Variants in TLN2 observed in about 807,000 individuals in gnomAD.
The protein encoded by TLN2 is talin 2, also known as talin-2.
A neutral mutation model predicts 294.7 loss-of-function variants in TLN2; 118 were observed. The observed-to-expected ratio is 0.40, with a 90% confidence interval of 0.34 to 0.47. The LOEUF is 0.47. Among genes scored for constraint, TLN2 ranks in the 20% least tolerant of loss-of-function variants. The pLI, the probability that TLN2 is intolerant of heterozygous loss-of-function variation, is 0.84. For missense variants in TLN2, 3,083 were observed against 3,282.2 expected (o/e 0.94, Z 1.48); for synonymous variants, 1,431 against 1,304.5 (o/e 1.10, Z -2.09).
chr15:62,722,180 C>T (rs2060189189), intron 25 of TLN2, among the ~76,000 whole-genome samples, 173 bp from the exon 26 acceptor site: 1 of 152,114 alleles, frequency 6.6e-6, no homozygotes, highest in Non-Finnish European at 1.5e-5. Flanking sequence ...AGGTACTGCC[C>T]TAGAGTATCT....
chr15:62,441,332 C>T lies in TLN2; in HGVS notation c.-238+50647C>T, dbSNP rs966652735. Among the ~76,000 whole-genome samples, 3 of 152,330 alleles carry T rather than the reference C, an allele frequency of 2.0e-5. No individual in the cohort carries two copies. The South Asian group carries it at 6.2e-4, about 32-fold the overall frequency. On this transcript the variant is annotated intron_variant, in intron 1 of 58. Transcript: ENST00000636159. ...CTGCAGCCTCGAACTCCTGGGCTCACGTGATGTCTGTGCTTCAGCCTCCTG... is the reference window on the plus strand; with the variant it reads ...CTGCAGCCTCGAACTCCTGGGCTCATGTGATGTCTGTGCTTCAGCCTCCTG...
intron 13 of TLN2, among the ~76,000 whole-genome samples, chr15:62,693,544 G>A (rs1340405715): frequency 6.6e-6 from 1 of 151,772 alleles, no homozygotes; most frequent in Non-Finnish European, 1.5e-5. Flanking sequence ...GCTGTACTGT[G>A]CTTTTCAGCC....
chr15:62,588,129 C>T lies in TLN2; in HGVS notation c.-237-1558C>T, dbSNP rs2045774435. 2.0e-5 allele frequency among the ~76,000 whole-genome samples: 3 copies of T among 152,098 alleles called. No homozygotes were observed. The South Asian group carries it at 6.2e-4, about 32-fold the overall frequency. ...TATCCTGACCTCGTGATCTGCCCGC[C>T]TTCGCCTCCCAAAGTGCTGGGATTA... On this transcript the variant is annotated intron_variant, in intron 1 of 58. Coordinates refer to ENST00000636159, the MANE Select transcript of TLN2 (RefSeq NM_015059.3).
intron 1 of TLN2, among the ~76,000 whole-genome samples, chr15:62,440,697 G>A (rs373993373): frequency 2.6e-5 from 4 of 152,088 alleles, no homozygotes; most frequent in Admixed American, 2.0e-4. Context: ...ATTATTGACC[G>A]TCCTACTTTT....
intron 1 of TLN2, among the ~76,000 whole-genome samples, chr15:62,483,664 G>A (rs1393452461): frequency 2.0e-5 from 3 of 152,176 alleles, no homozygotes; most frequent in Non-Finnish European, 4.4e-5. Flanking sequence ...TAAGAAGTAG[G>A]AGCTCCAAGT....
At chr15:62,455,508 A>T (rs1436929286) in intron 1 of TLN2, among the ~76,000 whole-genome samples, 1 of 152,154 alleles carries the variant, frequency 6.6e-6, no homozygotes, top group African/African-American at 2.4e-5. Flanking sequence ...TTGTTTTTTT[A>T]ACCACTGGCC....
intron 1 of TLN2, among the ~76,000 whole-genome samples, chr15:62,423,568 C>G (rs939289693): frequency 6.6e-6 from 1 of 152,018 alleles, no homozygotes; most frequent in African/African-American, 2.4e-5. Flanking sequence ...CCTTCCCCAC[C>G]TATACTGATG....
chr15:62,392,967 T>C (rs1159050275), intron 1 of TLN2, among the ~76,000 whole-genome samples: 2 of 151,962 alleles, frequency 1.3e-5, no homozygotes, highest in Non-Finnish European at 2.9e-5. Flanking sequence ...ACAAGTGGTC[T>C]TGAGAGAAGA....
chr15:62,511,842 A>G (rs1457793465), intron 1 of TLN2, among the ~76,000 whole-genome samples: 1 of 152,182 alleles, frequency 6.6e-6, no homozygotes, highest in African/African-American at 2.4e-5. Flanking sequence ...GCCTTTAGTT[A>G]AAACAAAAAT....
At chr15:62,640,516 C>T (rs1157638989) in intron 3 of TLN2, among the ~76,000 whole-genome samples, 2 of 152,124 alleles carry the variant, frequency 1.3e-5, no homozygotes, top group Non-Finnish European at 2.9e-5. Flanking sequence ...CATTGTGCCC[C>T]CCTAAGTTGC....
At chr15:62,605,028 A>G (rs2047318454) in intron 2 of TLN2, among the ~76,000 whole-genome samples, 1 of 152,144 alleles carries the variant, frequency 6.6e-6, no homozygotes, top group Admixed American at 6.5e-5. Flanking sequence ...AAAAAACAGT[A>G]TTTTGTTTGT....
chr15:62,570,749 A>AGTG (rs1056536234), intron 1 of TLN2, among the ~76,000 whole-genome samples: 1 of 152,216 alleles, frequency 6.6e-6, no homozygotes, highest in African/African-American at 2.4e-5. Context: ...ACTCGGCCCC[A>AGTG]GTGGTGGATA....
intron 1 of TLN2, among the ~76,000 whole-genome samples, chr15:62,551,076 GT>G (rs1456447462): frequency 1.3e-5 from 2 of 152,124 alleles, no homozygotes; most frequent in Non-Finnish European, 2.9e-5. Flanking sequence ...CTCATAAGGA[GT>G]GCACAGCCTA....
At chr15:62,676,675 C>T (rs1049777755) in intron 11 of TLN2, among the ~76,000 whole-genome samples, 2 of 152,180 alleles carry the variant, frequency 1.3e-5, no homozygotes, top group African/African-American at 4.8e-5. Context: ...AGTGCAGTGG[C>T]GCGATCGTGG....
chr15:62,772,770 C>G (rs1034417836), intron 42 of TLN2, among the ~76,000 whole-genome samples: 5 of 151,868 alleles, frequency 3.3e-5, no homozygotes, highest in African/African-American at 4.8e-5. Flanking sequence ...TCAAGTGATT[C>G]TCCTGCCTCA....
At chr15:62,621,614 G>C (rs1596369904) in intron 3 of TLN2, among the ~76,000 whole-genome samples, 1 of 152,120 alleles carries the variant, frequency 6.6e-6, no homozygotes, top group Admixed American at 6.5e-5. Flanking sequence ...CATATGAAGG[G>C]GTGGCAGAGG....
At chr15:62,469,207 T>C (rs1023910839) in intron 1 of TLN2, among the ~76,000 whole-genome samples, 1 of 152,216 alleles carries the variant, frequency 6.6e-6, no homozygotes, top group East Asian at 1.9e-4. Flanking sequence ...ATTGTGAGCA[T>C]GTAAGCAGAC....
rs1234428894 is a variant in TLN2, at chr15:62,771,069, A to G, written c.5302A>G (p.Lys1768Glu). Residue 1768 changes from lysine (K) to glutamate (E), a missense_variant, in exon 42 of 59, where the codon AAG (lysine) becomes GAG (glutamate). Lys to Glu is a moderately conservative substitution (Grantham distance 56). Transcript: ENST00000636159. The part of the protein sequence containing the change: ...QQQMTVLDQT[K>E]TLAESALQML... ...GCAGATGACGGTGCTGGACCAGACC[A>G]AGACTCTCGCAGAGTCTGCCTTGCA... is the stretch of plus-strand genomic sequence containing the variant. 1.9e-6 allele frequency: 3 copies of G among 1,613,706 alleles called. No individual in the cohort carries two copies. The highest frequency in any genetic ancestry group is 1.7e-5 in the Admixed American group (1 of 59,966).
chr15:62,767,553 G>T (rs571270833), intron 41 of TLN2, among the ~76,000 whole-genome samples: 1 of 152,066 alleles, frequency 6.6e-6, no homozygotes, highest in Non-Finnish European at 1.5e-5. Context: ...TGGTCAGGCT[G>T]GTCTCAAACT....
Sources: allele counts gnomAD v4.1 joint callset (sites outside exome capture counted in the v4.1 genomes callset), GRCh38; gene constraint gnomAD v4.1.1; transcripts MANE v1.5; gene names NCBI Gene and HGNC (gene_info 2026-07-23, HGNC 2026-07-21).